Variants in STC1 observed in about 807,000 individuals in gnomAD.
STC1 encodes stanniocalcin-1.
Under a neutral mutation model 22.6 loss-of-function variants are expected in STC1, and 7 were observed. The ratio of observed to expected loss-of-function variants is 0.31; its 90% CI spans 0.18 to 0.58. The LOEUF is 0.58. STC1 is among the 20% of genes least tolerant of loss of function. The pLI is 0.89. For missense variants in STC1, 224 were observed against 311.0 expected (o/e 0.72, Z 2.10); for synonymous variants, 113 against 120.7 (o/e 0.94, Z 0.42).
intron 1 of STC1, 41 bp from the exon 2 acceptor site, chr8:23,852,425 G>C (rs762742146): frequency 1.3e-6 from 2 of 1,551,224 alleles, no homozygotes; most frequent in Non-Finnish European, 8.7e-7. Context: ...CAAACAGTGA[G>C]GAATGGCTGG....
chr8:23,844,718 A>T lies in STC1; in HGVS notation c.*52T>A. The T allele has an allele frequency of 6.3e-7, 1 of 1,591,510 alleles. No individual in the cohort carries two copies. The highest frequency in any genetic ancestry group is 8.6e-7 in the Non-Finnish European group (1 of 1,163,708). ...CAGTACACTCAAAACTGGTGTGTCAACACCCCTAAAATGATACTAGTTTGG... is the reference window on the plus strand; with the variant it reads ...CAGTACACTCAAAACTGGTGTGTCATCACCCCTAAAATGATACTAGTTTGG... On this transcript the variant is annotated 3_prime_UTR_variant, in exon 4 of 4. Transcript: ENST00000290271.
At position 23,854,712 on chromosome 8, in the gene STC1, G is replaced by GCCA; in HGVS notation, c.-190_-189insTGG. 2.9e-6 allele frequency: 2 copies of GCCA among 682,132 alleles called. No individual in the cohort carries two copies. The highest frequency in any genetic ancestry group is 3.0e-5 in the South Asian group (2 of 67,006). 42.3% of individuals were successfully genotyped at this position (682,132 alleles called of 1,614,324 possible). ...TGCTGCCACCGGTGCCTCCGCTGCT[G>GCCA]CTGCTGCTGCCGCCGCTGCTGCTGC... is the stretch of plus-strand genomic sequence containing the variant. On this transcript the variant is annotated 5_prime_UTR_variant, in exon 1 of 4. Transcript: ENST00000290271.
At chr8:23,845,604 T>C (rs1416405888) in intron 3 of STC1, among the ~76,000 whole-genome samples, 2 of 152,008 alleles carry the variant, frequency 1.3e-5, no homozygotes, top group African/African-American at 4.8e-5. Context: ...TGATGAAACT[T>C]CTGTCTAAGG....
At chr8:23,853,577 G>T (rs1030280000) in intron 1 of STC1, among the ~76,000 whole-genome samples, 2 of 152,194 alleles carry the variant, frequency 1.3e-5, no homozygotes, top group Non-Finnish European at 1.5e-5. Flanking sequence ...TTTGCTGACA[G>T]TTGGAGGACA....
chr8:23,851,343 C>T lies in STC1; in HGVS notation c.450G>A (p.Gln150=). 1 of 1,614,148 alleles carries T rather than the reference C, an allele frequency of 6.2e-7. No homozygotes were observed. The highest frequency in any genetic ancestry group is 8.5e-7 in the Non-Finnish European group (1 of 1,180,036). The change falls in exon 3 of 4, where the codon CAG becomes CAA. Residue 150 remains glutamine, a synonymous_variant. Coordinates refer to ENST00000290271, the MANE Select transcript of STC1 (RefSeq NM_003155.3). ...RNPEAITEVV[Q]LPNHFSNRYY... ...ACCTGTTGGAGAAGTGATTGGGCAG[C>T]TGGACGACCTCAGTGATGGCTTCAG...
In STC1 at chr8:23,854,726, CGCTGCT is replaced by C. The variant is rs879545164; in HGVS notation, c.-209_-204del. 4.6e-6 allele frequency: 3 copies of C among 656,730 alleles called. No homozygotes were observed. The highest frequency in any genetic ancestry group is 2.2e-5 in the Admixed American group (1 of 46,124). The allele number at this position is 656,730 out of a possible 1,614,324, so 40.7% of individuals were successfully genotyped here. ...CCTCCGCTGCTGCTGCTGCTGCCGC[CGCTGCT>C]GCTGCTGCTGCCACCGCCGCTGCTG... On this transcript the variant is annotated 5_prime_UTR_variant, in exon 1 of 4. Coordinates refer to ENST00000290271, the MANE Select transcript of STC1 (RefSeq NM_003155.3).
At position 23,852,329 on chromosome 8, in the gene STC1, T is replaced by G. The variant is rs752287306; in HGVS notation, c.174A>C (p.Ala58=). 14 of 1,613,818 alleles carry G rather than the reference T, an allele frequency of 8.7e-6. No homozygotes were observed. Among genetic ancestry groups the G allele is most frequent in the Non-Finnish European group, 1.2e-5 (14 of 1,179,942 alleles). ...SALQVGCGAF[A]CLENSTCDTD... is the part of the protein sequence containing the mutation. ...TGTCACAGGTGGAGTTTTCCAGGCA[T>G]GCAAAAGCCCCGCAGCCGACCTGTA... Residue 58 remains alanine (A), a synonymous_variant, in exon 2 of 4, where the codon GCA becomes GCC. Coordinates refer to ENST00000290271, the MANE Select transcript of STC1 (RefSeq NM_003155.3).
intron 3 of STC1, among the ~76,000 whole-genome samples, chr8:23,849,487 C>T (rs144607250): frequency 6.6e-6 from 1 of 151,992 alleles, no homozygotes; most frequent in Admixed American, 6.6e-5. Flanking sequence ...TCTTTGTGAC[C>T]ATTTTCTAAA....
At chr8:23,846,450 A>T (rs1802574665) in intron 3 of STC1, among the ~76,000 whole-genome samples, 2 of 152,230 alleles carry the variant, frequency 1.3e-5, no homozygotes, top group Admixed American at 6.5e-5. Context: ...ACTTTTTCTC[A>T]GAGGAGCCCA....
chr8:23,854,037 A>G (rs1802668621), intron 1 of STC1: 3 of 1,054,060 alleles, frequency 2.8e-6, no homozygotes, highest in Non-Finnish European at 3.4e-6. Context: ...CAAACAAGCC[A>G]GGTCTTACCT....
intron 1 of STC1, 47 bp from the exon 2 acceptor site, chr8:23,852,431 G>C (rs774308043): frequency 7.8e-6 from 12 of 1,546,036 alleles, no homozygotes; most frequent in Non-Finnish European, 1.0e-5. Context: ...GTGAGGAATG[G>C]CTGGGTGGGA....
intron 3 of STC1, among the ~76,000 whole-genome samples, chr8:23,845,350 G>A (rs1054215030): frequency 6.6e-6 from 1 of 152,058 alleles, no homozygotes; most frequent in African/African-American, 2.4e-5. Context: ...CAGAATTACA[G>A]AGCTAGCTGG....
intron 1 of STC1, 42 bp downstream of exon 1, chr8:23,854,364 C>T (rs1481678943): frequency 1.0e-5 from 16 of 1,548,104 alleles, no homozygotes; most frequent in Non-Finnish European, 1.2e-5. Flanking sequence ...CAAATGAGGA[C>T]AGCTCTTTGG....
chr8:23,849,312 C>G (rs1802609118), intron 3 of STC1, among the ~76,000 whole-genome samples: 1 of 152,294 alleles, frequency 6.6e-6, no homozygotes, highest in African/African-American at 2.4e-5. Flanking sequence ...TGGAACCGGA[C>G]ATTTCTACAA....
At chr8:23,852,664 G>A (rs1802652122) in intron 1 of STC1, among the ~76,000 whole-genome samples, 1 of 152,158 alleles carries the variant, frequency 6.6e-6, no homozygotes, top group South Asian at 2.1e-4. Flanking sequence ...GGTGTCTGGA[G>A]AAGTGAGGCT....
At chr8:23,853,486 CA>C (rs1287133869) in intron 1 of STC1, among the ~76,000 whole-genome samples, 1 of 152,158 alleles carries the variant, frequency 6.6e-6, no homozygotes, top group Non-Finnish European at 1.5e-5. Flanking sequence ...GGAAGTGAAG[CA>C]AAAGCCCTCC....
chr8:23,854,259 G>T (rs904641586), intron 1 of STC1, 147 bp downstream of exon 1: 33 of 935,944 alleles, frequency 3.5e-5, no homozygotes, highest in African/African-American at 5.0e-5. Flanking sequence ...ACTGCCTAAG[G>T]CTATTGGATT....
At position 23,852,367 on chromosome 8, in the gene STC1, G is replaced by T. The variant is rs1450134555; in HGVS notation, c.136C>A (p.Leu46Ile). The T allele has an allele frequency of 6.2e-7, 1 of 1,604,496 alleles. No individual in the cohort carries two copies. The highest frequency in any genetic ancestry group is 8.5e-7 in the Non-Finnish European group (1 of 1,175,994). Residue 46 changes from leucine to isoleucine, a missense_variant, in exon 2 of 4, where the codon CTC becomes ATC. By Grantham distance (5) the Leu-to-Ile change is conservative. Transcript: ENST00000290271. ...AQNSAEVVRC[L>I]NSALQVGCGA... ...CAGCCGACCTGTAGAGCACTGTTGA[G>T]GCAACGAACCACTTCAGCTGAAAGA...
At chr8:23,845,637 A>G (rs748837245) in intron 3 of STC1, among the ~76,000 whole-genome samples, 6 of 151,898 alleles carry the variant, frequency 4.0e-5, no homozygotes, top group Non-Finnish European at 8.8e-5. Flanking sequence ...TGTGCCATGC[A>G]TTTTTCTACA....
Sources: gnomAD v4.1 joint callset for allele counts (sites outside exome capture counted in the v4.1 genomes callset) on GRCh38, gnomAD v4.1.1 for gene constraint, MANE v1.5 for transcripts, NCBI Gene and HGNC (gene_info 2026-07-23, HGNC 2026-07-21) for gene names.